Variants in TNFSF4 observed in about 807,000 individuals in gnomAD.
The protein encoded by TNFSF4 is tumor necrosis factor ligand superfamily member 4.
TNFSF4 carries 4 observed loss-of-function variants against 7.3 expected under a neutral mutation model. The observed-to-expected ratio is 0.55, with a 90% confidence interval of 0.27 to 1.25. The LOEUF is 1.25. Among genes scored for constraint, TNFSF4 ranks in the 50% most tolerant of loss-of-function variants. The pLI is 0.12. For synonymous variants in TNFSF4, 76 were observed against 83.7 expected (o/e 0.91, Z 0.50); for missense variants, 181 against 208.8 (o/e 0.87, Z 0.82).
At chr1:173,289,661 C>T in the TNFSF4 span, among the ~76,000 whole-genome samples, 1 of 151,836 alleles carries the variant, frequency 6.6e-6, no homozygotes, top group African/African-American at 2.4e-5. Context: ...TGTAAATGAA[C>T]ACATGAACAT....
the TNFSF4 span, among the ~76,000 whole-genome samples, chr1:173,271,419 C>A: frequency 1.3e-5 from 2 of 152,084 alleles, no homozygotes; most frequent in African/African-American, 2.4e-5. Context: ...TTCCCCATTT[C>A]TTGTTTTTGT....
At chr1:173,279,336 A>C in the TNFSF4 span, among the ~76,000 whole-genome samples, 1 of 152,086 alleles carries the variant, frequency 6.6e-6, no homozygotes, top group East Asian at 1.9e-4. Flanking sequence ...TTCTTTGAAC[A>C]TTCTAAGTTT....
intron 1 of TNFSF4, among the ~76,000 whole-genome samples, chr1:173,192,845 T>C (rs113151378): frequency 2.0e-5 from 3 of 152,198 alleles, no homozygotes; most frequent in African/African-American, 7.2e-5. Flanking sequence ...TAAAAATCTG[T>C]ATATCAGAGA....
At chr1:173,244,685 C>G in the TNFSF4 span, among the ~76,000 whole-genome samples, 4 of 151,428 alleles carry the variant, frequency 2.6e-5, no homozygotes, top group African/African-American at 9.7e-5. Flanking sequence ...AAACATAAAC[C>G]CTCGAATTAA....
chr1:173,297,509 C>T, the TNFSF4 span, among the ~76,000 whole-genome samples: 1 of 151,956 alleles, frequency 6.6e-6, no homozygotes, highest in Non-Finnish European at 1.5e-5. Flanking sequence ...CCCCAATCTG[C>T]ACTGCTGCTT....
chr1:173,322,414 A>C, the TNFSF4 span, among the ~76,000 whole-genome samples: 1 of 152,086 alleles, frequency 6.6e-6, no homozygotes, highest in Non-Finnish European at 1.5e-5. Flanking sequence ...GGGTGGAGCC[A>C]AGATGGCCGA....
the TNFSF4 span, among the ~76,000 whole-genome samples, chr1:173,390,726 A>T: frequency 6.8e-6 from 1 of 146,434 alleles, no homozygotes; most frequent in Non-Finnish European, 1.5e-5. Context: ...CTTAATTTCA[A>T]CATTCTGCTT....
the TNFSF4 span, among the ~76,000 whole-genome samples, chr1:173,311,546 T>C: frequency 1.3e-5 from 2 of 151,986 alleles, no homozygotes; most frequent in East Asian, 1.9e-4. Flanking sequence ...CACAGCCCAC[T>C]AGACAGTGGA....
At chr1:173,210,110 T>C (rs1364157802), upstream of TNFSF4, among the ~76,000 whole-genome samples, 1 of 152,086 alleles carries the variant, frequency 6.6e-6, no homozygotes, top group African/African-American at 2.4e-5. Flanking sequence ...TTTGGGGTTT[T>C]TTGGTGATAA....
the TNFSF4 span, among the ~76,000 whole-genome samples, chr1:173,390,221 TC>T: frequency 2.6e-5 from 4 of 152,206 alleles, no homozygotes; most frequent in African/African-American, 9.7e-5. Context: ...GAAACACTTT[TC>T]TTCAGGTCAG....
At position 173,186,871 on chromosome 1, in the gene TNFSF4, G is replaced by A. The variant is rs1649252053; in HGVS notation, c.203-6C>T. The A allele has an allele frequency of 1.9e-6, 3 of 1,548,578 alleles. No individual in the cohort carries two copies. The highest frequency in any genetic ancestry group is 1.4e-5 in the African/African-American group (1 of 72,658). On this transcript the variant is annotated splice_polypyrimidine_tract_variant and splice_region_variant and intron_variant, in intron 2 of 2. Transcript: ENST00000281834. ...ACCTTTCTCCTTCTTATATTCTAGG[G>A]AGGATAGGGGAAAATTTGTTTAATT... is the stretch of plus-strand genomic sequence containing the variant.
the TNFSF4 span, among the ~76,000 whole-genome samples, chr1:173,275,259 G>A: frequency 6.6e-6 from 1 of 152,104 alleles, no homozygotes; most frequent in Non-Finnish European, 1.5e-5. Context: ...TCCCAGATGA[G>A]GAACCCTGAG....
the TNFSF4 span, among the ~76,000 whole-genome samples, chr1:173,241,794 G>T: frequency 6.6e-6 from 1 of 152,184 alleles, no homozygotes; most frequent in African/African-American, 2.4e-5. Context: ...GGGAGGATGT[G>T]ATTTGCTTGC....
At chr1:173,388,986 C>G in the TNFSF4 span, among the ~76,000 whole-genome samples, 1 of 152,216 alleles carries the variant, frequency 6.6e-6, no homozygotes, top group Non-Finnish European at 1.5e-5. Flanking sequence ...CATACAGTTT[C>G]TCTCTTTAGA....
the TNFSF4 span, among the ~76,000 whole-genome samples, chr1:173,251,772 C>G: frequency 6.6e-6 from 1 of 152,100 alleles, no homozygotes; most frequent in Non-Finnish European, 1.5e-5. Context: ...AGTGTTAGTT[C>G]TTATGGTTAT....
the TNFSF4 span, among the ~76,000 whole-genome samples, chr1:173,337,785 A>G: frequency 6.6e-6 from 1 of 152,188 alleles, no homozygotes; most frequent in East Asian, 1.9e-4. Flanking sequence ...ACGGTCAGGA[A>G]CTTGGAAGAA....
the TNFSF4 span, among the ~76,000 whole-genome samples, chr1:173,221,068 A>G: frequency 6.6e-6 from 1 of 152,190 alleles, no homozygotes; most frequent in South Asian, 2.1e-4. Context: ...GGAAGGAAGA[A>G]CATTCTAGGC....
chr1:173,394,910 A>G, the TNFSF4 span, among the ~76,000 whole-genome samples: 1 of 150,048 alleles, frequency 6.7e-6, no homozygotes, highest in South Asian at 2.1e-4. Flanking sequence ...TTTAATATTT[A>G]GATAGATAGA....
At chr1:173,317,346 G>A in the TNFSF4 span, among the ~76,000 whole-genome samples, 2 of 152,150 alleles carry the variant, frequency 1.3e-5, no homozygotes, top group Non-Finnish European at 2.9e-5. Flanking sequence ...TAATCTGTAT[G>A]GTCATTTGAT....
Sources: allele counts gnomAD v4.1 joint callset (sites outside exome capture counted in the v4.1 genomes callset), GRCh38; gene constraint gnomAD v4.1.1; transcripts MANE v1.5; gene names NCBI Gene and HGNC (gene_info 2026-07-23, HGNC 2026-07-21).